HTR1F: variants seen among roughly 807,000 people sequenced by gnomAD.
HTR1F encodes 5-hydroxytryptamine (serotonin) receptor 1F, G protein-coupled.
A neutral mutation model predicts 24.0 loss-of-function variants in HTR1F; 17 were observed. The ratio of observed to expected loss-of-function variants is 0.71; its 90% CI spans 0.48 to 1.06. The LOEUF (loss-of-function observed/expected upper bound fraction) is 1.06, where lower values mean the gene tolerates loss of function less well. Among genes scored for constraint, HTR1F ranks in the 50% least tolerant of loss-of-function variants. HTR1F has a pLI of 0.00. For synonymous variants in HTR1F, 186 were observed against 156.8 expected (o/e 1.19, Z -1.39); for missense variants, 391 against 427.8 (o/e 0.91, Z 0.76).
intron 2 of HTR1F, among the ~76,000 whole-genome samples, chr3:87,857,668 G>T (rs148791285): frequency 1.2e-3 from 187 of 152,138 alleles, no homozygotes; most frequent in African/African-American, 4.4e-3. Context: ...CATATGCATA[G>T]CCTCCCCCAT....
At chr3:87,900,308 C>T (rs1167752402) in intron 2 of HTR1F, among the ~76,000 whole-genome samples, 1 of 152,114 alleles carries the variant, frequency 6.6e-6, no homozygotes, top group Non-Finnish European at 1.5e-5. Flanking sequence ...TTTAAGGCAG[C>T]AGAATCAAAA....
At chr3:87,907,030 C>A (rs1235365077) in intron 2 of HTR1F, among the ~76,000 whole-genome samples, 2 of 151,968 alleles carry the variant, frequency 1.3e-5, no homozygotes, top group Non-Finnish European at 2.9e-5. Flanking sequence ...ATAATGACTT[C>A]TTTTCCCCTG....
rs555665671 is a variant in HTR1F at position 87,849,168 on chromosome 3, G to C, written c.-43+27044G>C. The stretch of plus-strand genomic sequence containing the variant: ...TTGCCAAGTCAATCCAAAGCCAAAA[G>C]AACAAAGCTGGAGGCATCACACTAC... On this transcript the variant is annotated intron_variant, in intron 2 of 2. Transcript: ENST00000319595. Among the ~76,000 whole-genome samples, 9 of 151,846 alleles carry C rather than the reference G, an allele frequency of 5.9e-5. No homozygotes were observed. In the South Asian group the frequency reaches 1.5e-3, roughly 25 times the overall value.
chr3:87,961,008 A>G (rs930306294), intron 2 of HTR1F, among the ~76,000 whole-genome samples: 155 of 152,088 alleles, frequency 1.0e-3, no homozygotes, highest in African/African-American at 3.5e-3. Context: ...GTGCACACAC[A>G]CACACACACA....
At position 87,867,311 on chromosome 3, in the gene HTR1F, A is replaced by G. The variant is rs1705450818; in HGVS notation, c.-43+45187A>G. Reference sequence around the variant, plus strand: ...GAACATAGAGGCATCAAACTTTTAAATCTCTCATTGTACATCGAAATGTTC... The same window carrying G: ...GAACATAGAGGCATCAAACTTTTAAGTCTCTCATTGTACATCGAAATGTTC... On this transcript the variant is annotated intron_variant, in intron 2 of 2. Transcript: ENST00000319595. 2.6e-5 allele frequency among the ~76,000 whole-genome samples: 4 copies of G among 151,680 alleles called. No individual in the cohort carries two copies. The South Asian group carries it at 8.4e-4, about 32-fold the overall frequency.
In HTR1F at chr3:87,823,397, C is replaced by T. The variant is rs556395947; in HGVS notation, c.-43+1273C>T. Among the ~76,000 whole-genome samples the T allele has an allele frequency of 6.6e-5, 10 of 152,296 alleles. No homozygotes were observed. The South Asian group carries it at 1.7e-3, about 25-fold the overall frequency. ...GATGCTCTTGCCCCTGCAAAGTCTA[C>T]TTCGTAGTTCATCTTCCTTTTCAAG... is the stretch of plus-strand genomic sequence containing the variant. On this transcript the variant is annotated intron_variant, in intron 2 of 2. Coordinates refer to ENST00000319595, the MANE Select transcript of HTR1F (RefSeq NM_001322209.2).
chr3:87,846,602 G>T (rs572921700), intron 2 of HTR1F, among the ~76,000 whole-genome samples: 240 of 151,774 alleles, frequency 1.6e-3, no homozygotes, highest in South Asian at 4.8e-3. Flanking sequence ...CAATTTTTTT[G>T]TTTGTTTGTT....
chr3:87,841,628 G>A (rs974922636), intron 2 of HTR1F, among the ~76,000 whole-genome samples: 4 of 151,782 alleles, frequency 2.6e-5, no homozygotes, highest in South Asian at 2.1e-4. Context: ...GGCTGGGTGC[G>A]GTGGCTCACG....
chr3:87,823,712 C>T (rs1704405929), intron 2 of HTR1F, among the ~76,000 whole-genome samples: 1 of 151,788 alleles, frequency 6.6e-6, no homozygotes, highest in Non-Finnish European at 1.5e-5. Flanking sequence ...CTCCTGAGCT[C>T]TAGTGATCCA....
intron 2 of HTR1F, among the ~76,000 whole-genome samples, chr3:87,899,167 A>G (rs1330327295): frequency 1.3e-5 from 2 of 152,220 alleles, no homozygotes; most frequent in African/African-American, 4.8e-5. Context: ...TCCTTTGACA[A>G]TGCTAGGCAA....
intron 2 of HTR1F, among the ~76,000 whole-genome samples, chr3:87,838,421 A>G (rs900966924): frequency 1.3e-5 from 2 of 152,112 alleles, no homozygotes; most frequent in African/African-American, 2.4e-5. Flanking sequence ...TTTTCTGCTC[A>G]TAATCACCAC....
At chr3:87,990,518 C>CT (rs1020418362) in intron 2 of HTR1F, among the ~76,000 whole-genome samples, 190 bp from the exon 3 acceptor site, 2 of 152,006 alleles carry the variant, frequency 1.3e-5, no homozygotes, top group African/African-American at 2.4e-5. Flanking sequence ...AAGTTACTGG[C>CT]TTTTTTTACT....
chr3:87,846,065 C>A (rs531581121), intron 2 of HTR1F, among the ~76,000 whole-genome samples: 7 of 151,956 alleles, frequency 4.6e-5, no homozygotes, highest in Admixed American at 3.3e-4. Context: ...ATTTCCTACT[C>A]AGGTGGATCT....
At chr3:87,939,752 CTT>C (rs879021906) in intron 2 of HTR1F, among the ~76,000 whole-genome samples, 1 of 152,190 alleles carries the variant, frequency 6.6e-6, no homozygotes, top group South Asian at 2.1e-4. Context: ...ATTCTTCTCT[CTT>C]TTCTTCTTGA....
intron 2 of HTR1F, among the ~76,000 whole-genome samples, chr3:87,910,496 G>C (rs1382628628): frequency 6.6e-6 from 1 of 152,014 alleles, no homozygotes; most frequent in Non-Finnish European, 1.5e-5. Context: ...TCTACAAAGA[G>C]ACTTAGAGTC....
chr3:87,921,410 G>A (rs1208466396), intron 2 of HTR1F, among the ~76,000 whole-genome samples: 1 of 151,888 alleles, frequency 6.6e-6, no homozygotes, highest in African/African-American at 2.4e-5. Flanking sequence ...AGAATGTCAT[G>A]AACATTTTAA....
chr3:87,878,111 T>C (rs1705711064), intron 2 of HTR1F, among the ~76,000 whole-genome samples: 1 of 152,288 alleles, frequency 6.6e-6, no homozygotes, highest in South Asian at 2.1e-4. Flanking sequence ...AATCTAGGAA[T>C]TGGCTCTGAG....
chr3:87,922,174 T>C (rs975178054), intron 2 of HTR1F, among the ~76,000 whole-genome samples: 1 of 151,962 alleles, frequency 6.6e-6, no homozygotes, highest in Non-Finnish European at 1.5e-5. Context: ...TTTCTCTCCA[T>C]CCTACTTAGA....
In HTR1F at chr3:87,883,409, T is replaced by G. The variant is rs915922661; in HGVS notation, c.-43+61285T>G. On this transcript the variant is annotated intron_variant, in intron 2 of 2. Coordinates refer to ENST00000319595, the MANE Select transcript of HTR1F (RefSeq NM_001322209.2). ...TGAAAATTCTAAAAACCAGGGCACC[T>G]CTTCTCCTCCAAAGGATTACAGCTC... Among the ~76,000 whole-genome samples the G allele has an allele frequency of 5.9e-5, 9 of 152,190 alleles. No individual in the cohort carries two copies. In the East Asian group the frequency reaches 1.7e-3, roughly 29 times the overall value.
Sources: gnomAD v4.1 joint callset for allele counts (sites outside exome capture counted in the v4.1 genomes callset) on GRCh38, gnomAD v4.1.1 for gene constraint, MANE v1.5 for transcripts, NCBI Gene and HGNC (gene_info 2026-07-23, HGNC 2026-07-21) for gene names.